The following TMEM260 variants were observed in gnomAD, a reference collection of about 807,000 sequenced individuals.
TMEM260 encodes protein O-mannosyl-transferase TMEM260.
TMEM260 carries 82 observed loss-of-function variants against 88.9 expected under a neutral mutation model. That is an observed-to-expected ratio of 0.92 (90% confidence interval 0.77 to 1.11). The LOEUF (loss-of-function observed/expected upper bound fraction) is 1.11. Ranked by LOEUF, TMEM260 falls within the 50% of genes least tolerant of loss-of-function variation. The pLI is 0.00. For synonymous variants in TMEM260, 314 were observed against 309.3 expected (o/e 1.02, Z -0.16); for missense variants, 902 against 853.4 (o/e 1.06, Z -0.71).
chr14:56,581,489 G>C (rs940488495), intron 1 of TMEM260, among the ~76,000 whole-genome samples: 1 of 152,258 alleles, frequency 6.6e-6, no homozygotes, highest in African/African-American at 2.4e-5. Context: ...GTGAGTTTTG[G>C]TGCTGGAGAG....
intron 3 of TMEM260, among the ~76,000 whole-genome samples, chr14:56,587,331 G>T (rs1337163912): frequency 1.3e-5 from 2 of 151,820 alleles, no homozygotes. Context: ...CAAGTAAAGG[G>T]ATTCATTTTC....
intron 11 of TMEM260, among the ~76,000 whole-genome samples, chr14:56,624,466 T>G (rs745986273): frequency 3.5e-4 from 54 of 152,220 alleles, no homozygotes; most frequent in South Asian, 1.5e-3. Flanking sequence ...CTCAGCTACT[T>G]GGGAGGCTTA....
downstream of TMEM260, among the ~76,000 whole-genome samples, chr14:56,653,231 C>G (rs1292961625): frequency 6.6e-6 from 1 of 151,986 alleles, no homozygotes; most frequent in Non-Finnish European, 1.5e-5. Flanking sequence ...AAAAATACCA[C>G]AATGCATTCG....
intron 3 of TMEM260, among the ~76,000 whole-genome samples, chr14:56,593,520 T>G (rs1414196646): frequency 1.3e-5 from 2 of 151,964 alleles, no homozygotes; most frequent in East Asian, 3.9e-4. Flanking sequence ...TAAAATTATT[T>G]ATATAAAACA....
intron 3 of TMEM260, among the ~76,000 whole-genome samples, chr14:56,594,843 A>G (rs1455695100): frequency 1.3e-5 from 2 of 152,254 alleles, no homozygotes; most frequent in African/African-American, 4.8e-5. Context: ...TTTATGAATA[A>G]TATTTTGCTC....
chr14:56,647,343 A>T lies in TMEM260; in HGVS notation c.1970A>T (p.Asp657Val), dbSNP rs563984970. The T allele has an allele frequency of 1.5e-4, 248 of 1,614,232 alleles. 4 individuals are homozygous for T. In the South Asian group the frequency reaches 2.5e-3, roughly 16 times the overall value. Residue 657 changes from aspartate to valine, a missense_variant, in exon 16 of 16, where the codon GAT becomes GTT. Coordinates refer to ENST00000261556, the MANE Select transcript of TMEM260 (RefSeq NM_017799.4). Reference protein sequence around the residue: ...CERMLRLQARDADPEVLLSET... With the variant: ...CERMLRLQARVADPEVLLSET... The stretch of plus-strand genomic sequence containing the variant: ...CGGATGCTGCGTCTTCAGGCAAGAG[A>T]TGCAGATCCTGAAGTGCTGTTATCG...
intron 1 of TMEM260, among the ~76,000 whole-genome samples, chr14:56,581,779 GGAAAA>G (rs1344797706): frequency 1.2e-4 from 18 of 152,256 alleles, no homozygotes; most frequent in African/African-American, 3.9e-4. Flanking sequence ...AGAGAAATCA[GGAAAA>G]GAAAAGTATA....
intron 15 of TMEM260, among the ~76,000 whole-genome samples, chr14:56,641,665 A>G (rs1474472055): frequency 1.3e-5 from 2 of 152,222 alleles, no homozygotes; most frequent in Non-Finnish European, 2.9e-5. Flanking sequence ...ACACATAACA[A>G]TACTAACCTT....
chr14:56,601,487 C>T (rs556844344), intron 3 of TMEM260, among the ~76,000 whole-genome samples: 36 of 152,200 alleles, frequency 2.4e-4, no homozygotes, highest in African/African-American at 7.7e-4. Context: ...GTTTTCACCA[C>T]CGTAAAGTTA....
At chr14:56,615,018 G>A (rs1412438840) in intron 7 of TMEM260, among the ~76,000 whole-genome samples, 1 of 152,126 alleles carries the variant, frequency 6.6e-6, no homozygotes. Context: ...TTACACTTAA[G>A]CAATAGATCT....
intron 15 of TMEM260, among the ~76,000 whole-genome samples, chr14:56,640,828 G>A (rs994145342): frequency 6.6e-6 from 1 of 152,192 alleles, no homozygotes; most frequent in African/African-American, 2.4e-5. Context: ...GAAAACCACA[G>A]CACGAGAACT....
downstream of TMEM260, among the ~76,000 whole-genome samples, chr14:56,652,424 G>A (rs1034006320): frequency 5.3e-5 from 8 of 151,702 alleles, no homozygotes; most frequent in East Asian, 1.4e-3. Context: ...CTTGAGCCTG[G>A]GAGGTGGAGG....
chr14:56,626,485 G>GTT (rs2139609993), intron 12 of TMEM260, among the ~76,000 whole-genome samples: 1 of 152,304 alleles, frequency 6.6e-6, no homozygotes, highest in African/African-American at 2.4e-5. Flanking sequence ...ATGGGACTCA[G>GTT]TTCCAAATCC....
At chr14:56,627,443 G>A (rs1362207686) in intron 12 of TMEM260, among the ~76,000 whole-genome samples, 1 of 152,010 alleles carries the variant, frequency 6.6e-6, no homozygotes, top group African/African-American at 2.4e-5. Flanking sequence ...TACATGTACT[G>A]TAATTTAAAA....
intron 3 of TMEM260, among the ~76,000 whole-genome samples, chr14:56,596,088 A>G (rs1594821266): frequency 6.6e-6 from 1 of 152,120 alleles, no homozygotes; most frequent in African/African-American, 2.4e-5. Context: ...AAAGACAGCA[A>G]TAATAAAGGA....
Position 56,579,990 on chromosome 14 carries a change from A to C in TMEM260, c.76A>C (p.Ile26Leu). ...AGTGGGGCTGCGGCGCTCCGGGGGC[A>C]TCCGCGGCGGCGTGGCGGTGTTCGC... ...VRVGLRRSGG[I>L]RGGVAVFAAV... The change falls in exon 1 of 16, where the codon ATC (isoleucine) becomes CTC (leucine). Residue 26 changes from isoleucine to leucine, a missense_variant. Coordinates refer to ENST00000261556, the MANE Select transcript of TMEM260 (RefSeq NM_017799.4). 2 of 1,246,140 alleles carry C rather than the reference A, an allele frequency of 1.6e-6. No homozygotes were observed. Among genetic ancestry groups the C allele is most frequent in the Non-Finnish European group, 2.0e-6 (2 of 989,258 alleles). The allele number at this position is 1,246,140 out of a possible 1,614,324, so 77.2% of individuals were successfully genotyped here.
chr14:56,637,971 C>T (rs1270500934), intron 15 of TMEM260, among the ~76,000 whole-genome samples: 1 of 152,036 alleles, frequency 6.6e-6, no homozygotes, highest in Admixed American at 6.5e-5. Flanking sequence ...AACCCAGAGC[C>T]CTGGACCAGA....
chr14:56,597,223 A>C (rs1477746552), intron 3 of TMEM260, among the ~76,000 whole-genome samples: 1 of 152,230 alleles, frequency 6.6e-6, no homozygotes, highest in Non-Finnish European at 1.5e-5. Flanking sequence ...CCAAAATCTG[A>C]AACTTTTTGA....
chr14:56,612,215 T>A (rs1339118428), intron 6 of TMEM260, 30 bp from the exon 7 acceptor site: 1 of 1,596,206 alleles, frequency 6.3e-7, no homozygotes, highest in Non-Finnish European at 8.6e-7. Context: ...TTAATGCTTG[T>A]GCAGATAAAC....
Sources: gnomAD v4.1 joint callset for allele counts (sites outside exome capture counted in the v4.1 genomes callset) on GRCh38, gnomAD v4.1.1 for gene constraint, MANE v1.5 for transcripts, NCBI Gene and HGNC (gene_info 2026-07-23, HGNC 2026-07-21) for gene names.